The following XRCC1 variants were observed in gnomAD, a reference collection of about 807,000 sequenced individuals.
XRCC1 encodes DNA repair protein XRCC1.
XRCC1 carries 52 observed loss-of-function variants against 83.3 expected under a neutral mutation model. The ratio of observed to expected loss-of-function variants is 0.62; its 90% CI spans 0.50 to 0.79. The LOEUF is 0.79. Ranked by LOEUF, XRCC1 falls within the 30% of genes least tolerant of loss-of-function variation. The pLI, the probability that XRCC1 is intolerant of heterozygous loss-of-function variation, is 0.00. For missense variants in XRCC1, 793 were observed against 823.5 expected (o/e 0.96, Z 0.45); for synonymous variants, 281 against 312.6 (o/e 0.90, Z 1.07).
rs751375266 is a variant in XRCC1 at position 43,544,241 on chromosome 19, G to A, written c.1622-7C>T. 6.2e-7 allele frequency: 1 copy of A among 1,603,872 alleles called. No homozygotes were observed. The highest frequency in any genetic ancestry group is 1.3e-5 in the African/African-American group (1 of 74,938). On this transcript the variant is annotated splice_region_variant and splice_polypyrimidine_tract_variant and intron_variant, in intron 14 of 16. Transcript: ENST00000262887. ...TGCTTGCCCTGGAAGAAATCTGCAG[G>A]AGAGAAGGGGGCTAAGGTAAGCATG...
intron 2 of XRCC1, among the ~76,000 whole-genome samples, chr19:43,562,953 A>C (rs1437891839): frequency 6.6e-6 from 1 of 152,226 alleles, no homozygotes; most frequent in African/African-American, 2.4e-5. Context: ...GGAGGCAGGA[A>C]GTGGTTATGT....
chr19:43,549,720 A>C, intron 10 of XRCC1, among the ~76,000 whole-genome samples: 1 of 151,580 alleles, frequency 6.6e-6, no homozygotes, highest in East Asian at 2.0e-4. Context: ...CCACACCTGG[A>C]TAATTTTTTT....
intron 10 of XRCC1, among the ~76,000 whole-genome samples, chr19:43,550,063 C>T (rs1972559947): frequency 6.6e-6 from 1 of 152,100 alleles, no homozygotes; most frequent in African/African-American, 2.4e-5. Context: ...CCCAACAGAG[C>T]CTGCCCCTGC....
At position 43,546,992 on chromosome 19, in the gene XRCC1, G is replaced by A. The variant is rs764894660; in HGVS notation, c.1200-15C>T. The A allele has an allele frequency of 1.7e-5, 27 of 1,612,470 alleles. 1 individual carries two copies. The highest frequency in any genetic ancestry group is 9.9e-5 in the South Asian group (9 of 91,052). On this transcript the variant is annotated splice_polypyrimidine_tract_variant and intron_variant, in intron 10 of 16. Coordinates refer to ENST00000262887, the MANE Select transcript of XRCC1 (RefSeq NM_006297.3). ...CCATGAGGTACCTAGGGGACAAATCGGGCCTCAGACAAACAGGCCCAAGGG... is the reference window on the plus strand; with the variant it reads ...CCATGAGGTACCTAGGGGACAAATCAGGCCTCAGACAAACAGGCCCAAGGG...
intron 2 of XRCC1, among the ~76,000 whole-genome samples, chr19:43,563,111 C>G (rs561841678): frequency 6.6e-6 from 1 of 152,336 alleles, no homozygotes; most frequent in South Asian, 2.1e-4. Flanking sequence ...GGCCGGCAGA[C>G]CTCCTGCTGA....
At chr19:43,548,766 C>CAAAAAAAAAAAAAA (rs60740505) in intron 10 of XRCC1, among the ~76,000 whole-genome samples, 649 of 64,354 alleles carry the variant, frequency 0.01, 48 homozygotes, top group East Asian at 0.018. Context: ...CAAGAATGAT[C>CAAAAAAAAAAAAAA]AAAAAAAAAA....
chr19:43,548,985 C>T (rs1413553813), intron 10 of XRCC1, among the ~76,000 whole-genome samples: 1 of 152,002 alleles, frequency 6.6e-6, no homozygotes, highest in East Asian at 1.9e-4. Flanking sequence ...TGTATTAGCT[C>T]CATTTTTCTG....
At chr19:43,573,494 T>C (rs3213254) in intron 2 of XRCC1, among the ~76,000 whole-genome samples, 2,646 of 152,274 alleles carry the variant, frequency 0.017, 76 homozygotes, top group African/African-American at 0.061. Flanking sequence ...AGTGGATATT[T>C]GCTGAATGAC....
At chr19:43,569,757 GAAC>G (rs1228565913) in intron 2 of XRCC1, among the ~76,000 whole-genome samples, 2 of 151,182 alleles carry the variant, frequency 1.3e-5, no homozygotes, top group South Asian at 2.1e-4. Flanking sequence ...ACTCCAGCCA[GAAC>G]AACAAGACGA....
chr19:43,547,347 C>T (rs4802186), intron 10 of XRCC1, among the ~76,000 whole-genome samples: 13,351 of 151,500 alleles, frequency 0.088, 755 homozygotes, highest in Admixed American at 0.15. Context: ...CACCATGCCC[C>T]GCCAACTTTT....
intron 14 of XRCC1, 47 bp downstream of exon 14, chr19:43,545,771 C>T (rs973682924): frequency 1.5e-5 from 24 of 1,604,144 alleles, no homozygotes; most frequent in African/African-American, 2.7e-5. Context: ...CAGCTGAGAA[C>T]TGAGAAGAGA....
Position 43,552,116 on chromosome 19 carries a change from C to T in XRCC1, c.983G>A (p.Ser328Asn). ...KILQGVVVVL[S>N]GFQNPFRSEL... ...GGAGCGGAAGGGGTTCTGGAAGCCA[C>T]TCAGCACCACTACCACACCCTGAAG... The change falls in exon 9 of 17, where the codon AGT becomes AAT. Residue 328 changes from serine to asparagine, a missense_variant. Coordinates refer to ENST00000262887, the MANE Select transcript of XRCC1 (RefSeq NM_006297.3). 6.2e-7 allele frequency: 1 copy of T among 1,614,094 alleles called. No homozygotes were observed. Among genetic ancestry groups the T allele is most frequent in the Non-Finnish European group, 8.5e-7 (1 of 1,179,986 alleles).
chr19:43,572,823 G>A (rs1414388979), intron 2 of XRCC1, among the ~76,000 whole-genome samples: 4 of 151,368 alleles, frequency 2.6e-5, no homozygotes, highest in African/African-American at 9.7e-5. Flanking sequence ...TGATGTTACA[G>A]TAACAAAGGA....
chr19:43,567,729 G>A lies in XRCC1; in HGVS notation c.145-6709C>T, dbSNP rs541299924. On this transcript the variant is annotated intron_variant, in intron 2 of 16. Coordinates refer to ENST00000262887, the MANE Select transcript of XRCC1 (RefSeq NM_006297.3). ...ATAAGAGCACAAGATGACTATCACC[G>A]ATGGCCTGGGTTCGTGTGCATGCAG... Among the ~76,000 whole-genome samples the A allele has an allele frequency of 5.3e-5, 8 of 152,214 alleles. No homozygotes were observed. The South Asian group carries it at 1.0e-3, about 20-fold the overall frequency.
In XRCC1 at chr19:43,545,798, G is replaced by A. The variant is rs1167744077; in HGVS notation, c.1621+20C>T. On this transcript the variant is annotated intron_variant, in intron 14 of 16. Coordinates refer to ENST00000262887, the MANE Select transcript of XRCC1 (RefSeq NM_006297.3). ...GAGAAGAGAAAATGCCACTTCAGGAGGGATGGGGGGATTTCCCACCTGGGA... is the reference window on the plus strand; with the variant it reads ...GAGAAGAGAAAATGCCACTTCAGGAAGGATGGGGGGATTTCCCACCTGGGA... 2.5e-6 allele frequency: 4 copies of A among 1,612,760 alleles called. No homozygotes were observed. Among genetic ancestry groups the A allele is most frequent in the Non-Finnish European group, 3.4e-6 (4 of 1,179,234 alleles).
intron 4 of XRCC1, among the ~76,000 whole-genome samples, chr19:43,554,030 C>G (rs149712340): frequency 1.7e-3 from 266 of 152,282 alleles, no homozygotes; most frequent in Admixed American, 3.8e-3. Context: ...GTTCCAGGCT[C>G]TCTCCTCTGC....
Position 43,544,217 on chromosome 19 carries a change from G to A in XRCC1, c.1639C>T (p.His547Tyr), listed in dbSNP as rs1470572185. 2 of 1,609,940 alleles carry A rather than the reference G, an allele frequency of 1.2e-6. No homozygotes were observed. Among genetic ancestry groups the A allele is most frequent in the South Asian group, 2.2e-5 (2 of 90,000 alleles). The change falls in exon 15 of 17, where the codon CAC becomes TAC. Residue 547 changes from histidine to tyrosine, a missense_variant. His to Tyr is a moderately conservative substitution (Grantham distance 83). Transcript: ENST00000262887. Reference protein sequence around the residue: ...PELPDFFQGKHFFLYGEFPGD... With the variant: ...PELPDFFQGKYFFLYGEFPGD... ...GGGAACTCCCCGTAAAGAAAGAAGTGCTTGCCCTGGAAGAAATCTGCAGGA... is the reference window on the plus strand; with the variant it reads ...GGGAACTCCCCGTAAAGAAAGAAGTACTTGCCCTGGAAGAAATCTGCAGGA...
intron 10 of XRCC1, among the ~76,000 whole-genome samples, chr19:43,551,019 C>G (rs539429862): frequency 6.6e-6 from 1 of 152,226 alleles, no homozygotes; most frequent in African/African-American, 2.4e-5. Flanking sequence ...GAGTCTCGCT[C>G]TGTCACCCAG....
At chr19:43,543,556 G>A (rs762230089) in intron 16 of XRCC1, 51 bp from the exon 17 acceptor site, 42 of 1,612,942 alleles carry the variant, frequency 2.6e-5, no homozygotes, top group East Asian at 1.1e-4. Context: ...AGGGGAGGAC[G>A]GAGGAGATGC....
Sources: allele counts gnomAD v4.1 joint callset (sites outside exome capture counted in the v4.1 genomes callset), GRCh38; gene constraint gnomAD v4.1.1; transcripts MANE v1.5; gene names NCBI Gene and HGNC (gene_info 2026-07-23, HGNC 2026-07-21).